The following COL12A1 variants were observed in gnomAD, a reference collection of about 807,000 sequenced individuals.
COL12A1 encodes the protein collagen type XII alpha 1 chain.
In COL12A1, 114 loss-of-function variants were observed where a neutral mutation model predicts 349.7. The ratio of observed to expected loss-of-function variants is 0.33; its 90% CI spans 0.28 to 0.38. The LOEUF is 0.38. Ranked by LOEUF, COL12A1 falls within the 10% of genes least tolerant of loss-of-function variation. The pLI is 1.00. For synonymous variants in COL12A1, 1,369 were observed against 1,329.0 expected (o/e 1.03, Z -0.66); for missense variants, 3,284 against 3,756.9 (o/e 0.87, Z 3.29).
intron 1 of COL12A1, among the ~76,000 whole-genome samples, chr6:75,204,782 TCA>T (rs143188469): frequency 1.7e-4 from 25 of 149,836 alleles, no homozygotes; most frequent in Admixed American, 6.0e-4. Context: ...AAAAAGAAAA[TCA>T]CACACACACA....
intron 63 of COL12A1, 87 bp from the exon 64 acceptor site, chr6:75,089,261 G>C (rs1767646935): frequency 2.0e-6 from 2 of 980,564 alleles, no homozygotes; most frequent in Admixed American, 2.9e-5. Flanking sequence ...TTTGATTCAA[G>C]TAATTCATTT....
chr6:75,134,591 A>T, intron 32 of COL12A1, 135 bp downstream of exon 32: 2 of 802,078 alleles, frequency 2.5e-6, no homozygotes, highest in Non-Finnish European at 1.7e-6. Context: ...AAAAGAAAAA[A>T]CTATTAATAT....
chr6:75,106,326 C>A (rs1768542558), intron 53 of COL12A1, 93 bp downstream of exon 53: 6 of 1,080,680 alleles, frequency 5.6e-6, no homozygotes, highest in East Asian at 2.5e-5. Flanking sequence ...CCTGAATATA[C>A]AACTGTGCAG....
chr6:75,156,496 A>G lies in COL12A1; in HGVS notation c.3011T>C (p.Val1004Ala). 1 of 1,613,450 alleles carries G rather than the reference A, an allele frequency of 6.2e-7. No individual in the cohort carries two copies. The highest frequency in any genetic ancestry group is 8.5e-7 in the Non-Finnish European group (1 of 1,179,738). Residue 1004 changes from valine to alanine, a missense_variant, in exon 15 of 66, where the codon GTA (valine) becomes GCA (alanine). By Grantham distance (64) the Val-to-Ala change is moderately conservative. Coordinates refer to ENST00000322507, the MANE Select transcript of COL12A1 (RefSeq NM_004370.6). ...ELSQDSKTLKVDEETENTMRV... is the reference protein window; with the variant it reads ...ELSQDSKTLKADEETENTMRV... ...CATTGTGTTTTCTGTTTCTTCATCT[A>G]CTTTCAGGGTTTTGGAATCTTGAGA... is the stretch of plus-strand genomic sequence containing the variant.
chr6:75,149,248 C>T (rs1287872224), intron 21 of COL12A1, among the ~76,000 whole-genome samples: 2 of 152,138 alleles, frequency 1.3e-5, no homozygotes, highest in Non-Finnish European at 2.9e-5. Flanking sequence ...AATTTAGCTT[C>T]TCCATTGTCC....
Position 75,119,338 on chromosome 6 carries a change from A to G in COL12A1, c.7210+12T>C. 6.2e-7 allele frequency: 1 copy of G among 1,611,826 alleles called. No homozygotes were observed. Among genetic ancestry groups the G allele is most frequent in the South Asian group, 1.1e-5 (1 of 90,678 alleles). On this transcript the variant is annotated intron_variant, in intron 45 of 65. Coordinates refer to ENST00000322507, the MANE Select transcript of COL12A1 (RefSeq NM_004370.6). ...AAATGCTTGAAGAGTAAAGGTCTACATATACACATACCTGTTCTTGTGTTT... is the reference window on the plus strand; with the variant it reads ...AAATGCTTGAAGAGTAAAGGTCTACGTATACACATACCTGTTCTTGTGTTT...
intron 23 of COL12A1, 34 bp from the exon 24 acceptor site, chr6:75,146,278 T>C: frequency 6.5e-7 from 1 of 1,542,598 alleles, no homozygotes; most frequent in Non-Finnish European, 8.7e-7. Context: ...ATCAGTCTAG[T>C]TCCTTTCATT....
rs17791238 is a variant in COL12A1 at position 75,143,378 on chromosome 6, G to C, written c.4701C>G (p.Pro1567=). Residue 1567 remains proline, a synonymous_variant, in exon 26 of 66, where the codon CCC becomes CCG. Coordinates refer to ENST00000322507, the MANE Select transcript of COL12A1 (RefSeq NM_004370.6). ...VTVREVTLPL[P]RPQDLKLRDV... ...CTCTGAGTTTCAGATCCTGAGGTCT[G>C]GGTAAAGGCACTAGAGAAGCACGAG... is the stretch of plus-strand genomic sequence containing the variant. 160 of 1,613,178 alleles carry C rather than the reference G, an allele frequency of 9.9e-5. No individual in the cohort carries two copies. Among genetic ancestry groups the C allele is most frequent in the Non-Finnish European group, 1.2e-4 (147 of 1,179,820 alleles).
chr6:75,170,002 C>CATG (rs1768538148), intron 13 of COL12A1, among the ~76,000 whole-genome samples: 1 of 152,218 alleles, frequency 6.6e-6, no homozygotes. Flanking sequence ...GACAGGTCTA[C>CATG]TTCTCATGAT....
rs1379009312 is a variant in COL12A1 at position 75,202,773 on chromosome 6, G to A, written c.20C>T (p.Pro7Leu). ...GGCCGCGCCCAGGGCGGCAAGCGCT[G>A]GGGGAAGCCTACTCCGCATCCTTGG... MRSRLP[P>L]ALAALGAALL... The change falls in exon 2 of 66, where the codon CCA becomes CTA. Residue 7 changes from proline (P) to leucine (L), a missense_variant. Pro to Leu is a moderately conservative substitution (Grantham distance 98, BLOSUM62 -3). Around this residue, in one of 2 missense-constraint regions of COL12A1, gnomAD observed 2,601 missense variants for 2,824.8 expected, o/e 0.92. Transcript: ENST00000322507. 6.4e-7 allele frequency: 1 copy of A among 1,551,748 alleles called. No individual in the cohort carries two copies. Among genetic ancestry groups the A allele is most frequent in the African/African-American group, 1.4e-5 (1 of 73,068 alleles).
chr6:75,167,550 G>A (rs185951214), intron 13 of COL12A1, among the ~76,000 whole-genome samples: 235 of 152,198 alleles, frequency 1.5e-3, no homozygotes, highest in Non-Finnish European at 2.4e-3. Flanking sequence ...TTTCCCAAAG[G>A]TTTTGCTTCT....
chr6:75,116,044 A>T lies in COL12A1; in HGVS notation c.7533T>A (p.Ile2511=). 6.2e-7 allele frequency: 1 copy of T among 1,613,404 alleles called. No homozygotes were observed. Among genetic ancestry groups the T allele is most frequent in the Non-Finnish European group, 8.5e-7 (1 of 1,179,530 alleles). The change falls in exon 48 of 66, where the codon ATT becomes ATA. Residue 2511 remains isoleucine, a synonymous_variant. Coordinates refer to ENST00000322507, the MANE Select transcript of COL12A1 (RefSeq NM_004370.6). ...CETATSSCPL[I]YLDGYTSPGF... ...CTGGTGAGGTGTAGCCATCCAAATA[A>T]ATGAGAGGACAACCTGCAATGTACA...
chr6:75,148,227 C>CTT, intron 22 of COL12A1, 131 bp downstream of exon 22: 14 of 788,360 alleles, frequency 1.8e-5, no homozygotes, highest in South Asian at 5.4e-5. Context: ...GAATAGAAAG[C>CTT]ACTATTCTTG....
chr6:75,130,343 C>T, intron 36 of COL12A1, 110 bp from the exon 37 acceptor site: 1 of 1,027,372 alleles, frequency 9.7e-7, no homozygotes, highest in Non-Finnish European at 1.4e-6. Context: ...CAGATGTTTC[C>T]TCCCATATAA....
At chr6:75,144,300 C>A (rs1408861883) in intron 25 of COL12A1, among the ~76,000 whole-genome samples, 1 of 152,250 alleles carries the variant, frequency 6.6e-6, no homozygotes, top group East Asian at 1.9e-4. Flanking sequence ...GCCACTATCC[C>A]ATTTTCACAA....
intron 11 of COL12A1, among the ~76,000 whole-genome samples, 187 bp downstream of exon 11, chr6:75,180,752 T>A (rs1769224409): frequency 6.6e-6 from 1 of 152,074 alleles, no homozygotes; most frequent in Non-Finnish European, 1.5e-5. Flanking sequence ...AAGTCTAAGG[T>A]TTTTTACTTA....
At chr6:75,189,938 G>T (rs773563451) in intron 5 of COL12A1, 123 bp from the exon 6 acceptor site, 7 of 1,044,434 alleles carry the variant, frequency 6.7e-6, no homozygotes, top group Non-Finnish European at 9.6e-6. Flanking sequence ...TTCACCAATT[G>T]TTCTTCACCC....
At chr6:75,185,562 G>A (rs1769567718) in intron 8 of COL12A1, among the ~76,000 whole-genome samples, 1 of 152,090 alleles carries the variant, frequency 6.6e-6, no homozygotes, top group South Asian at 2.1e-4. Context: ...TCTATAGATT[G>A]GCCACTACTC....
At chr6:75,143,959 G>A (rs992704853) in intron 25 of COL12A1, among the ~76,000 whole-genome samples, 5 of 152,106 alleles carry the variant, frequency 3.3e-5, no homozygotes, top group African/African-American at 4.8e-5. Flanking sequence ...AGGAGGATAC[G>A]GAATGAGGAG....
Sources: gnomAD v4.1 joint callset for allele counts (sites outside exome capture counted in the v4.1 genomes callset) on GRCh38, gnomAD v4.1.1 for gene constraint, gnomAD v4.1.1 regional missense constraint, MANE v1.5 for transcripts, NCBI Gene and HGNC (gene_info 2026-07-23, HGNC 2026-07-21) for gene names.